The following AFF2 variants were observed in gnomAD, a reference collection of about 807,000 sequenced individuals.
The protein encoded by AFF2 is AF4/FMR2 family member 2.
AFF2 carries 14 observed loss-of-function variants against 76.9 expected under a neutral mutation model. The ratio of observed to expected loss-of-function variants is 0.18; its 90% CI spans 0.12 to 0.28. The LOEUF is 0.28. AFF2 is among the 10% of genes least tolerant of loss of function. AFF2 has a pLI of 1.00. For synonymous variants in AFF2, 398 were observed against 366.7 expected (o/e 1.09, Z -0.98); for missense variants, 868 against 1,001.1 (o/e 0.87, Z 1.79).
Position 148,993,915 on chromosome X carries a change from T to C in AFF2, c.*2583T>C, listed in dbSNP as rs2072562369. 1 of 112,582 alleles carries C rather than the reference T, an allele frequency of 8.9e-6. No homozygotes were observed. The highest frequency in any genetic ancestry group is 1.9e-5 in the Non-Finnish European group (1 of 53,292). The allele number at this position is 112,582 out of a possible 1,213,427, so 9.3% of individuals were successfully genotyped here. ...AGGATTGTTGCTGTTTTATAGTTAC[T>C]CTGTTCATCACAGTGTAAATGGTGA... On this transcript the variant is annotated 3_prime_UTR_variant, in exon 21 of 21. Coordinates refer to ENST00000370460, the MANE Select transcript of AFF2 (RefSeq NM_002025.4).
At chrX:148,698,420 G>A (rs980621870) in intron 3 of AFF2, among the ~76,000 whole-genome samples, 22 of 112,496 alleles carry the variant, frequency 2.0e-4, no homozygotes, top group African/African-American at 6.8e-4. Flanking sequence ...CGCGTGACCT[G>A]CTATGCAAAT....
chrX:148,872,919 TAG>T (rs1393935428), intron 7 of AFF2, among the ~76,000 whole-genome samples: 2 of 111,841 alleles, frequency 1.8e-5, no homozygotes, highest in Non-Finnish European at 3.8e-5. Flanking sequence ...CATTGTGGAT[TAG>T]AGTTTCAACT....
At chrX:148,894,105 G>A (rs1229502120) in intron 8 of AFF2, among the ~76,000 whole-genome samples, 2 of 111,912 alleles carry the variant, frequency 1.8e-5, no homozygotes, top group Non-Finnish European at 3.8e-5. Flanking sequence ...TAGTTTCCAA[G>A]CCTTGAGTTT....
chrX:148,827,582 AT>A (rs1557273042), intron 4 of AFF2, among the ~76,000 whole-genome samples: 1 of 112,130 alleles, frequency 8.9e-6, no homozygotes, highest in African/African-American at 3.2e-5. Flanking sequence ...CTCTCCAACA[AT>A]GTGAAATCAA....
intron 3 of AFF2, among the ~76,000 whole-genome samples, chrX:148,731,150 T>C (rs1171910034): frequency 8.9e-6 from 1 of 111,862 alleles, no homozygotes; most frequent in Non-Finnish European, 1.9e-5. Flanking sequence ...CTTAGACCAA[T>C]TTATAGAGAC....
intron 7 of AFF2, among the ~76,000 whole-genome samples, chrX:148,885,108 G>A (rs1158422983): frequency 9.0e-6 from 1 of 111,623 alleles, no homozygotes; most frequent in Admixed American, 9.5e-5. Flanking sequence ...TAAGCTATTC[G>A]TCCTGCTGTA....
chrX:148,846,991 C>T (rs1020364558), intron 7 of AFF2, among the ~76,000 whole-genome samples: 8 of 111,266 alleles, frequency 7.2e-5, no homozygotes, highest in Middle Eastern at 4.7e-3. Flanking sequence ...AGCTCCGCCT[C>T]CCGGGTTCAC....
intron 3 of AFF2, among the ~76,000 whole-genome samples, chrX:148,716,847 G>A (rs201751403): frequency 1.8e-5 from 2 of 111,339 alleles, no homozygotes; most frequent in East Asian, 2.8e-4. Context: ...TAGACACTGG[G>A]GATCCATCAA....
intron 14 of AFF2, 95 bp from the exon 15 acceptor site, chrX:148,967,534 G>A (rs2124387934): frequency 1.2e-6 from 1 of 826,240 alleles, no homozygotes; most frequent in East Asian, 3.2e-5. Context: ...GGCATTATAT[G>A]GGAATAAATT....
intron 3 of AFF2, among the ~76,000 whole-genome samples, chrX:148,704,529 T>C (rs1269223087): frequency 1.0e-5 from 1 of 100,048 alleles, no homozygotes; most frequent in African/African-American, 3.6e-5. Context: ...TATATATATA[T>C]ATAAAAATTT....
intron 3 of AFF2, among the ~76,000 whole-genome samples, chrX:148,744,338 TTTA>T (rs782520575): frequency 1.3e-4 from 15 of 111,940 alleles, no homozygotes; most frequent in Non-Finnish European, 2.6e-4. Flanking sequence ...ATTGTATTAT[TTTA>T]TTATGATAAT....
intron 9 of AFF2, among the ~76,000 whole-genome samples, chrX:148,929,957 C>T (rs1353948012): frequency 8.9e-6 from 1 of 111,878 alleles, no homozygotes; most frequent in African/African-American, 3.3e-5. Context: ...AGAACTGTGA[C>T]ACAAGAAGCT....
chrX:148,538,392 C>T (rs978582579), intron 1 of AFF2, among the ~76,000 whole-genome samples: 3 of 111,621 alleles, frequency 2.7e-5, no homozygotes, highest in African/African-American at 9.8e-5. Flanking sequence ...TAGGTGAAGG[C>T]CATGCTGCCG....
At chrX:148,845,717 G>A (rs2070659029) in intron 7 of AFF2, among the ~76,000 whole-genome samples, 1 of 111,933 alleles carries the variant, frequency 8.9e-6, no homozygotes, top group Non-Finnish European at 1.9e-5. Flanking sequence ...CATTTGGCAG[G>A]GTAATCCTCC....
intron 7 of AFF2, among the ~76,000 whole-genome samples, chrX:148,858,568 A>C (rs2070811437): frequency 9.0e-6 from 1 of 111,449 alleles, no homozygotes; most frequent in Admixed American, 9.6e-5. Flanking sequence ...TGTGATGCTT[A>C]CTTGTATAGG....
At position 148,862,335 on chromosome X, in the gene AFF2, A is replaced by G. The variant is rs181069338; in HGVS notation, c.1262+18902A>G. Among the ~76,000 whole-genome samples the G allele has an allele frequency of 2.5e-3, 282 of 111,165 alleles. 2 individuals are homozygous for G. The highest frequency in any genetic ancestry group is 0.016 in the Admixed American group (163 of 10,418). On this transcript the variant is annotated intron_variant, in intron 7 of 20. Transcript: ENST00000370460. ...CTGGCTTGTTGAGGCCACTCAGCCC[A>G]GCTCTGGGCTGCCTTCCCCTGCCCT...
At chrX:148,960,997 A>G (rs1437146284) in intron 12 of AFF2, among the ~76,000 whole-genome samples, 3 of 112,290 alleles carry the variant, frequency 2.7e-5, no homozygotes, top group African/African-American at 6.5e-5. Flanking sequence ...CCGTGGTTCC[A>G]GATCATGACC....
In AFF2 at chrX:148,991,279, C is replaced by T. The variant is rs1557292233; in HGVS notation, c.3883C>T (p.Arg1295Cys). 10 of 1,209,658 alleles carry T rather than the reference C, an allele frequency of 8.3e-6. No homozygotes were observed. The highest frequency in any genetic ancestry group is 1.1e-5 in the Non-Finnish European group (10 of 894,352). Residue 1295 changes from arginine to cysteine, a missense_variant, in exon 21 of 21, where the codon CGC becomes TGC. Transcript: ENST00000370460. The part of the protein sequence containing the change: ...TQHSSMTNLV[R>C]YVRQGLCWLR... Reference sequence around the variant, plus strand: ...GCACAGCAGCATGACCAATCTTGTCCGCTACGTTCGCCAAGGACTGTGTTG... The same window carrying T: ...GCACAGCAGCATGACCAATCTTGTCTGCTACGTTCGCCAAGGACTGTGTTG...
At chrX:148,843,551 C>A in intron 7 of AFF2, 118 bp downstream of exon 7, 1 of 594,929 alleles carries the variant, frequency 1.7e-6, no homozygotes, top group Non-Finnish European at 2.6e-6. Flanking sequence ...AACCTTGACT[C>A]ATAATAATAT....
Sources: allele counts gnomAD v4.1 joint callset (sites outside exome capture counted in the v4.1 genomes callset), GRCh38; gene constraint gnomAD v4.1.1; transcripts MANE v1.5; gene names NCBI Gene and HGNC (gene_info 2026-07-23, HGNC 2026-07-21).